TP53BP1: variants seen among roughly 807,000 people sequenced by gnomAD.
TP53BP1 encodes the protein tumor protein p53 binding protein 1.
A neutral mutation model predicts 200.8 loss-of-function variants in TP53BP1; 61 were observed. The observed-to-expected ratio is 0.30, with a 90% CI of 0.25 to 0.38. TP53BP1 has a LOEUF of 0.38. Among genes scored for constraint, TP53BP1 ranks in the 10% least tolerant of loss-of-function variants. The probability of loss-of-function intolerance (pLI) is 1.00; values close to 1 mark genes in which losing one functional copy is unlikely to be tolerated. For missense variants in TP53BP1, 2,144 were observed against 2,371.9 expected (o/e 0.90, Z 2.00); for synonymous variants, 822 against 844.3 (o/e 0.97, Z 0.46).
At chr15:43,506,858 C>T (rs1261760292) in intron 1 of TP53BP1, among the ~76,000 whole-genome samples, 2 of 152,094 alleles carry the variant, frequency 1.3e-5, no homozygotes, top group African/African-American at 4.8e-5. Flanking sequence ...TGGTGGGAGC[C>T]AAGTCTTCAT....
At chr15:43,410,698 C>T (rs2045088097) in intron 24 of TP53BP1, among the ~76,000 whole-genome samples, 1 of 152,042 alleles carries the variant, frequency 6.6e-6, no homozygotes, top group Admixed American at 6.6e-5. Flanking sequence ...AATGCCGGTA[C>T]CACTCCCCTT....
chr15:43,449,846 T>C (rs1180999457), intron 12 of TP53BP1, among the ~76,000 whole-genome samples: 1 of 152,230 alleles, frequency 6.6e-6, no homozygotes, highest in East Asian at 1.9e-4. Context: ...TTTCTTTAAT[T>C]ATTCACGTTC....
chr15:43,415,227 G>T, intron 23 of TP53BP1: 1 of 163,760 alleles, frequency 6.1e-6, no homozygotes, highest in Non-Finnish European at 1.2e-5. Context: ...TTTTTCTGGA[G>T]ACCAAGTTTC....
At chr15:43,411,123 G>A (rs983455713) in intron 24 of TP53BP1, among the ~76,000 whole-genome samples, 1 of 152,094 alleles carries the variant, frequency 6.6e-6, no homozygotes, top group African/African-American at 2.4e-5. Context: ...ATCCAGGACT[G>A]GTCTACTTAG....
At chr15:43,495,534 A>ACACACAC (rs1566970727), upstream of TP53BP1, among the ~76,000 whole-genome samples, 4 of 102,982 alleles carry the variant, frequency 3.9e-5, no homozygotes, top group African/African-American at 1.2e-4. Flanking sequence ...CACACACACA[A>ACACACAC]AAGCCAGGTG....
At chr15:43,492,800 C>A (rs1192188498) in intron 1 of TP53BP1, among the ~76,000 whole-genome samples, 2 of 150,620 alleles carry the variant, frequency 1.3e-5, no homozygotes, top group East Asian at 3.9e-4. Flanking sequence ...TCTACCTCCC[C>A]CCAAAAGAAT....
At chr15:43,445,344 T>C (rs2046017259) in intron 14 of TP53BP1, among the ~76,000 whole-genome samples, 1 of 152,160 alleles carries the variant, frequency 6.6e-6, no homozygotes, top group Non-Finnish European at 1.5e-5. Flanking sequence ...CCTGACATGA[T>C]CTTCTTGTAA....
At position 43,442,813 on chromosome 15, in the gene TP53BP1, T is replaced by TTC. The variant is rs1166337949; in HGVS notation, c.3041-1232_3041-1231dup. 1.8e-4 allele frequency among the ~76,000 whole-genome samples: 26 copies of TTC among 141,294 alleles called. No homozygotes were observed. In the East Asian group the frequency reaches 5.2e-3, roughly 28 times the overall value. The allele number at this position is 141,294 out of a possible 152,430, so 92.7% of individuals were successfully genotyped here. A position where few individuals can be genotyped will look rare whatever the true frequency, so the allele number is the denominator to read the frequency against. On this transcript the variant is annotated intron_variant, in intron 14 of 27. Coordinates refer to ENST00000382044, the MANE Select transcript of TP53BP1 (RefSeq NM_001141980.3). ...CGACACCTAGCCCTTAGCAGTAATA[T>TTC]TCTTTTTTTTTTTTTTTTTTTTTTT...
intron 16 of TP53BP1, 88 bp from the exon 17 acceptor site, chr15:43,432,765 T>C (rs939600539): frequency 5.7e-6 from 8 of 1,396,322 alleles, no homozygotes; most frequent in African/African-American, 1.4e-5. Flanking sequence ...GTGTGTGTAG[T>C]GGCAAGGGGG....
chr15:43,475,540 C>G lies in TP53BP1; in HGVS notation c.1085+25G>C, dbSNP rs757710164. The G allele has an allele frequency of 5.0e-6, 8 of 1,613,520 alleles. No homozygotes were observed. In the African/African-American group the frequency reaches 5.3e-5, roughly 11 times the overall value. ...GACTCTCAGGCACATACTGCCTTGG[C>G]ATAAGCTATTTTAGGCTTACTTACG... On this transcript the variant is annotated intron_variant, in intron 9 of 27. Transcript: ENST00000382044.
rs1431817509 is a variant in TP53BP1, at chr15:43,456,258, C to G, written c.2350G>C (p.Glu784Gln). 6.2e-7 allele frequency: 1 copy of G among 1,614,154 alleles called. No individual in the cohort carries two copies. Among genetic ancestry groups the G allele is most frequent in the Admixed American group, 1.7e-5 (1 of 60,024 alleles). Residue 784 changes from glutamate to glutamine, a missense_variant, in exon 12 of 28, where the codon GAG (glutamate) becomes CAG (glutamine). Physicochemically the swap from Glu to Gln is conservative, Grantham distance 29 (BLOSUM62 2). Transcript: ENST00000382044. ...DVSCEPLEGV[E>Q]KCSDSQSWED... The stretch of plus-strand genomic sequence containing the variant: ...CATGACTGGGAATCTGAGCACTTCT[C>G]CACTCCCTCCAAAGGTTCACAAGAA...
chr15:43,444,756 GGAA>G (rs147589467), intron 14 of TP53BP1, among the ~76,000 whole-genome samples: 3,369 of 152,182 alleles, frequency 0.022, 117 homozygotes, highest in African/African-American at 0.078. Flanking sequence ...CTGGTCTCAG[GGAA>G]GAAGAAGTCC....
chr15:43,501,958 G>A (rs1301374696), intron 1 of TP53BP1, among the ~76,000 whole-genome samples: 2 of 152,164 alleles, frequency 1.3e-5, no homozygotes, highest in South Asian at 2.1e-4. Flanking sequence ...ATAACTAGAA[G>A]TGGAACTGCT....
intron 1 of TP53BP1, among the ~76,000 whole-genome samples, chr15:43,503,582 C>T (rs1174288149): frequency 1.3e-5 from 2 of 152,244 alleles, no homozygotes; most frequent in East Asian, 3.9e-4. Context: ...TTGTTTGAAC[C>T]CGGGAGGCGG....
rs1336848176 is a variant in TP53BP1, at chr15:43,406,824, A to C, written c.*559T>G. 2 of 332,780 alleles carry C rather than the reference A, an allele frequency of 6.0e-6. No individual in the cohort carries two copies. The highest frequency in any genetic ancestry group is 7.9e-5 in the East Asian group (1 of 12,728). 20.6% of individuals were successfully genotyped at this position (332,780 alleles called of 1,614,324 possible). A position where few individuals can be genotyped will look rare whatever the true frequency, so the allele number is the denominator to read the frequency against. Reference sequence around the variant, plus strand: ...TCAAGCTTATGGTCACTGTCCCTTCATGGCAGTTGGTCCTTTCGTTCTCCC... The same window carrying C: ...TCAAGCTTATGGTCACTGTCCCTTCCTGGCAGTTGGTCCTTTCGTTCTCCC... On this transcript the variant is annotated 3_prime_UTR_variant, in exon 28 of 28. Coordinates refer to ENST00000382044, the MANE Select transcript of TP53BP1 (RefSeq NM_001141980.3).
chr15:43,426,877 G>A (rs1213423417), intron 18 of TP53BP1, among the ~76,000 whole-genome samples: 1 of 151,568 alleles, frequency 6.6e-6, no homozygotes, highest in Non-Finnish European at 1.5e-5. Context: ...AATTAGCCAG[G>A]CACGGTGGCG....
chr15:43,429,921 A>G (rs1049764310), intron 17 of TP53BP1, among the ~76,000 whole-genome samples: 4 of 152,224 alleles, frequency 2.6e-5, no homozygotes, highest in Non-Finnish European at 4.4e-5. Flanking sequence ...AGTGCTTTAC[A>G]TATTCCTGAA....
chr15:43,480,854 A>G (rs377186309), intron 5 of TP53BP1, 41 bp downstream of exon 5: 37 of 1,609,126 alleles, frequency 2.3e-5, no homozygotes, highest in Non-Finnish European at 3.0e-5. Context: ...GTTAAAGGGA[A>G]GTTAGAACAG....
At chr15:43,502,834 C>A (rs1566972382) in intron 1 of TP53BP1, among the ~76,000 whole-genome samples, 1 of 152,006 alleles carries the variant, frequency 6.6e-6, no homozygotes, top group East Asian at 1.9e-4. Flanking sequence ...CAGCTCACTG[C>A]AACCTCTGTC....
Sources: gnomAD v4.1 joint callset for allele counts (sites outside exome capture counted in the v4.1 genomes callset) on GRCh38, gnomAD v4.1.1 for gene constraint, MANE v1.5 for transcripts, NCBI Gene and HGNC (gene_info 2026-07-23, HGNC 2026-07-21) for gene names.